KCNN1: variants seen among roughly 807,000 people sequenced by gnomAD.
The protein encoded by KCNN1 is small conductance calcium-activated potassium channel protein 1.
Under a neutral mutation model 44.7 loss-of-function variants are expected in KCNN1, and 20 were observed. The ratio of observed to expected loss-of-function variants is 0.45; its 90% CI spans 0.32 to 0.65. KCNN1 has a LOEUF of 0.65. Ranked by LOEUF, KCNN1 falls within the 30% of genes least tolerant of loss-of-function variation. The probability of loss-of-function intolerance (pLI) is 0.05; values close to 1 mark genes in which losing one functional copy is unlikely to be tolerated. For synonymous variants in KCNN1, 324 were observed against 341.7 expected, an observed-to-expected ratio of 0.95 and a Z score of 0.57; for missense variants, 632 against 785.3, an observed-to-expected ratio of 0.80 and a Z score of 2.33.
rs370851471 is a variant in KCNN1, at chr19:17,973,480, C to T, written c.-81-328C>T. Among the ~76,000 whole-genome samples the T allele has an allele frequency of 2.6e-5, 4 of 152,146 alleles. No homozygotes were observed. In the East Asian group the frequency reaches 7.7e-4, roughly 29 times the overall value. On this transcript the variant is annotated intron_variant, in intron 1 of 9. Coordinates refer to ENST00000684775, the MANE Select transcript of KCNN1 (RefSeq NM_001386974.1). ...ATTTTTAGTAGAGACTGGTTTTCGC[C>T]ATGTTGGCCAGGCCAGTTTCGAACT...
chr19:17,991,657 G>A (rs986470758), intron 7 of KCNN1, among the ~76,000 whole-genome samples: 7 of 152,094 alleles, frequency 4.6e-5, no homozygotes, highest in African/African-American at 1.7e-4. Flanking sequence ...CAGCCTGGGC[G>A]ACAGAGTAAG....
At chr19:17,969,944 G>C (rs918696211) in intron 1 of KCNN1, among the ~76,000 whole-genome samples, 1 of 152,248 alleles carries the variant, frequency 6.6e-6, no homozygotes, top group Non-Finnish European at 1.5e-5. Context: ...GCAGGGGTTT[G>C]AGCCTCGGAG....
At chr19:17,980,065 T>C (rs1388483040) in intron 3 of KCNN1, among the ~76,000 whole-genome samples, 2 of 58,050 alleles carry the variant, frequency 3.4e-5, no homozygotes, top group Non-Finnish European at 7.9e-5. Flanking sequence ...TTTTTCTTTC[T>C]TTTTTTTTTT....
Position 17,973,965 on chromosome 19 carries a change from C to G in KCNN1, c.77C>G (p.Pro26Arg), listed in dbSNP as rs374999559. The change falls in exon 2 of 10, where the codon CCG becomes CGG. Residue 26 changes from proline (P) to arginine (R), a missense_variant. By Grantham distance (103) the Pro-to-Arg change is moderately radical. Coordinates refer to ENST00000684775, the MANE Select transcript of KCNN1 (RefSeq NM_001386974.1). ...SGPGALGRDP[P>R]DPEAGHPPQP... ...CCGGGCGCCCTGGGACGAGACCCTC[C>G]GGACCCTGAGGCCGGCCACCCCCCA... 6.4e-7 allele frequency: 1 copy of G among 1,564,400 alleles called. No individual in the cohort carries two copies. The highest frequency in any genetic ancestry group is 2.4e-5 in the East Asian group (1 of 42,150).
At chr19:17,959,062 G>C (rs1460178506) in intron 2 of KCNN1, among the ~76,000 whole-genome samples, 3 of 151,604 alleles carry the variant, frequency 2.0e-5, no homozygotes, top group Non-Finnish European at 4.4e-5. Context: ...CTGTCGCCCA[G>C]GCTGGAGTGC....
At chr19:17,985,242 A>AG in intron 4 of KCNN1, 70 bp from the exon 5 acceptor site, 1 of 1,439,088 alleles carries the variant, frequency 6.9e-7, no homozygotes, top group Non-Finnish European at 9.2e-7. Context: ...GCGCTGCCCC[A>AG]GGGGGTGTGA....
rs772380754 is a variant in KCNN1, at chr19:17,993,491, C to T, written c.1309C>T (p.Leu437Phe). 6.2e-7 allele frequency: 1 copy of T among 1,613,382 alleles called. No homozygotes were observed. The highest frequency in any genetic ancestry group is 8.5e-7 in the Non-Finnish European group (1 of 1,179,502). ...TCCCCCAACCCCGTGTCCCCACAGG[C>T]TCCGGAGTGTGAAGATCGAGCAAGG... ...FLQAIHQAQK[L>F]RSVKIEQGKL... The change falls in exon 9 of 10, where the codon CTC becomes TTC. Residue 437 changes from leucine (L) to phenylalanine (F), a missense_variant and splice_region_variant. Physicochemically the swap from Leu to Phe is conservative, Grantham distance 22 (BLOSUM62 0). This residue lies in a region of KCNN1 where 237 missense variants were observed against 253.0 expected (regional missense o/e 0.94). Coordinates refer to ENST00000684775, the MANE Select transcript of KCNN1 (RefSeq NM_001386974.1). This position sits in a 1 kb window ranked among gnomAD's most constrained non-coding sequence, Gnocchi z 4.5.
In KCNN1 at chr19:17,985,465, G is replaced by T. The variant is rs752109698; in HGVS notation, c.1059+12G>T. ...TCACTGGCATCATGGTAAGGGTGAG[G>T]GTCCATGTGTATGATCCTGGGAGGT... On this transcript the variant is annotated intron_variant, in intron 5 of 9. Transcript: ENST00000684775. 6.4e-7 allele frequency: 1 copy of T among 1,563,870 alleles called. No homozygotes were observed. Among genetic ancestry groups the T allele is most frequent in the Non-Finnish European group, 8.7e-7 (1 of 1,148,462 alleles).
intron 6 of KCNN1, among the ~76,000 whole-genome samples, chr19:17,989,184 G>A (rs772340402): frequency 2.6e-5 from 4 of 152,148 alleles, no homozygotes; most frequent in African/African-American, 4.8e-5. Flanking sequence ...ATGGCCGGGC[G>A]CGGTGGCTCA....
At chr19:17,986,199 A>G (rs1447076074) in intron 5 of KCNN1, among the ~76,000 whole-genome samples, 1 of 150,474 alleles carries the variant, frequency 6.6e-6, no homozygotes, top group Non-Finnish European at 1.5e-5. Flanking sequence ...CCCAGTCTGT[A>G]CTAAAAATAC....
chr19:17,952,275 G>T (rs1275030691), intron 1 of KCNN1: 1 of 152,116 alleles, frequency 6.6e-6, no homozygotes, highest in African/African-American at 2.4e-5. Context: ...TTGCCCGGCC[G>T]TGCACTTGTC....
intron 4 of KCNN1, among the ~76,000 whole-genome samples, chr19:17,984,087 C>T (rs1327645064): frequency 6.6e-6 from 1 of 151,504 alleles, no homozygotes; most frequent in African/African-American, 2.4e-5. Flanking sequence ...CGCTTGAACC[C>T]GGGAGGTGTA....
At chr19:17,956,838 G>A (rs771609089) in intron 2 of KCNN1, among the ~76,000 whole-genome samples, 35 of 152,020 alleles carry the variant, frequency 2.3e-4, no homozygotes, top group Non-Finnish European at 4.6e-4. Context: ...CGGATAATGA[G>A]GTCTGGGGAT....
At chr19:17,979,865 A>G (rs1410154386) in intron 3 of KCNN1, among the ~76,000 whole-genome samples, 5 of 150,354 alleles carry the variant, frequency 3.3e-5, no homozygotes, top group African/African-American at 4.9e-5. Context: ...GTGAAAAAGG[A>G]AAAAAAAAGA....
chr19:17,951,358 C>G (rs1282380631), exon 1 of KCNN1: 1 of 152,332 alleles, frequency 6.6e-6, no homozygotes, highest in African/African-American at 2.4e-5. Context: ...AGGAGAACAG[C>G]AAGACATATC....
At chr19:17,966,854 G>A (rs916919510), upstream of KCNN1, among the ~76,000 whole-genome samples, 1 of 151,634 alleles carries the variant, frequency 6.6e-6, no homozygotes, top group Non-Finnish European at 1.5e-5. Context: ...TTGGGGAGGG[G>A]GTATAGTTAG....
At chr19:17,962,277 G>A (rs1032547199), upstream of KCNN1, among the ~76,000 whole-genome samples, 3 of 152,182 alleles carry the variant, frequency 2.0e-5, no homozygotes, top group Non-Finnish European at 4.4e-5. Flanking sequence ...TACCCTGCCT[G>A]CCTGTCACGC....
At chr19:17,956,781 T>C (rs547264243) in intron 2 of KCNN1, among the ~76,000 whole-genome samples, 1 of 151,196 alleles carries the variant, frequency 6.6e-6, no homozygotes, top group South Asian at 2.1e-4. Context: ...GGGCCAGGTG[T>C]GGTGGCTCAT....
At chr19:17,956,967 G>C (rs1343395093) in intron 2 of KCNN1, among the ~76,000 whole-genome samples, 1 of 151,606 alleles carries the variant, frequency 6.6e-6, no homozygotes, top group Non-Finnish European at 1.5e-5. Flanking sequence ...CAGGAGAATC[G>C]CTTGAACCAG....
Sources: allele counts gnomAD v4.1 joint callset (sites outside exome capture counted in the v4.1 genomes callset), GRCh38; gene constraint gnomAD v4.1.1; regional missense constraint gnomAD v4.1.1; non-coding constraint Gnocchi (gnomAD v3.1); transcripts MANE v1.5; gene names NCBI Gene and HGNC (gene_info 2026-07-23, HGNC 2026-07-21).